The following KLRG2 variants were observed in gnomAD, a reference collection of about 807,000 sequenced individuals.
The protein encoded by KLRG2 is killer cell lectin-like receptor subfamily G member 2.
In KLRG2, 39 loss-of-function variants were observed where a neutral mutation model predicts 35.4. The ratio of observed to expected loss-of-function variants is 1.10; its 90% confidence interval spans 0.85 to 1.44. The LOEUF (loss-of-function observed/expected upper bound fraction) is 1.44. Among genes scored for constraint, KLRG2 ranks in the 40% most tolerant of loss-of-function variants. KLRG2 has a pLI of 0.00. For missense variants in KLRG2, 632 were observed against 570.9 expected, an observed-to-expected ratio of 1.11 and a Z score of -1.09; for synonymous variants, 283 against 265.8, an observed-to-expected ratio of 1.06 and a Z score of -0.63.
the KLRG2 span, among the ~76,000 whole-genome samples, chr7:139,435,158 A>T: frequency 6.6e-6 from 1 of 152,194 alleles, no homozygotes; most frequent in African/African-American, 2.4e-5. Context: ...ACCTTTCTTA[A>T]AAAAACTTTA....
chr7:139,469,426 C>A (rs1213090589), intron 3 of KLRG2, among the ~76,000 whole-genome samples: 1 of 152,132 alleles, frequency 6.6e-6, no homozygotes, highest in Non-Finnish European at 1.5e-5. Flanking sequence ...TCCCAAAGTG[C>A]TGTGATTATA....
chr7:139,469,895 A>G (rs1796727522), intron 3 of KLRG2, among the ~76,000 whole-genome samples: 1 of 152,218 alleles, frequency 6.6e-6, no homozygotes, highest in South Asian at 2.1e-4. Flanking sequence ...CGGTCAGGAC[A>G]CTGTGGGGCG....
chr7:139,444,020 C>T, the KLRG2 span, among the ~76,000 whole-genome samples: 1 of 152,146 alleles, frequency 6.6e-6, no homozygotes, highest in Non-Finnish European at 1.5e-5. Flanking sequence ...TCCAAGAGTC[C>T]AAAAGCTGAA....
chr7:139,483,307 A>T lies in KLRG2; in HGVS notation c.336T>A (p.Ala112=). The T allele has an allele frequency of 7.1e-6, 11 of 1,552,504 alleles. No homozygotes were observed. The highest frequency in any genetic ancestry group is 7.8e-6 in the Non-Finnish European group (9 of 1,160,880). Residue 112 remains alanine (A), a synonymous_variant, in exon 1 of 5, where the codon GCT becomes GCA. Coordinates refer to ENST00000340940, the MANE Select transcript of KLRG2 (RefSeq NM_198508.4). The part of the protein sequence containing the change: ...KLPRNGEAPG[A]EPAPSAWAPM... ...GCGCCCAGGCGCTGGGCGCAGGCTC[A>T]GCCCCGGGCGCCTCGCCATTCCGGG...
chr7:139,459,870 G>A (rs376954878), intron 3 of KLRG2, among the ~76,000 whole-genome samples: 1 of 151,986 alleles, frequency 6.6e-6, no homozygotes, highest in East Asian at 1.9e-4. Flanking sequence ...TCCTGCCTCA[G>A]CCTCCCAAGT....
At chr7:139,466,689 T>G (rs1410813440) in intron 3 of KLRG2, among the ~76,000 whole-genome samples, 2 of 151,612 alleles carry the variant, frequency 1.3e-5, no homozygotes, top group Non-Finnish European at 2.9e-5. Flanking sequence ...TAGCTTTGCA[T>G]TTCTCTTTCC....
chr7:139,452,429 C>T (rs1036137753), downstream of KLRG2, among the ~76,000 whole-genome samples: 18 of 152,258 alleles, frequency 1.2e-4, no homozygotes, highest in African/African-American at 3.9e-4. Flanking sequence ...TGCACATGTA[C>T]CCCAGAACTT....
chr7:139,454,244 CCTGG>C, intron 3 of KLRG2, 30 bp from the exon 4 acceptor site: 1 of 1,110,588 alleles, frequency 9.0e-7, no homozygotes, highest in Non-Finnish European at 1.3e-6. Flanking sequence ...TGGTCACTCC[CCTGG>C]ACACTGGCGT....
chr7:139,480,690 CCA>C (rs1432994265), intron 1 of KLRG2, among the ~76,000 whole-genome samples: 1 of 150,968 alleles, frequency 6.6e-6, no homozygotes, highest in Non-Finnish European at 1.5e-5. Flanking sequence ...TGTGATCTGC[CCA>C]CCTCGGCCTC....
At chr7:139,482,838 G>T (rs1249001113) in intron 1 of KLRG2, 48 bp downstream of exon 1, 1 of 1,357,934 alleles carries the variant, frequency 7.4e-7, no homozygotes, top group Non-Finnish European at 9.4e-7. Context: ...TTTCGGCTAC[G>T]TCCACCCGAC....
chr7:139,440,410 G>GTTTTT, the KLRG2 span, among the ~76,000 whole-genome samples: 2 of 61,250 alleles, frequency 3.3e-5, no homozygotes, highest in African/African-American at 3.7e-4. Flanking sequence ...ACCACACCTG[G>GTTTTT]CTTTTTTTTT....
the KLRG2 span, among the ~76,000 whole-genome samples, chr7:139,430,452 T>C: frequency 0.21 from 32,170 of 151,712 alleles, 3,596 homozygotes; most frequent in Middle Eastern, 0.31. Context: ...TCCACTAGAA[T>C]GATCAAAAGT....
chr7:139,472,739 A>G (rs1177305501), intron 3 of KLRG2, among the ~76,000 whole-genome samples: 2 of 152,194 alleles, frequency 1.3e-5, no homozygotes, highest in African/African-American at 4.8e-5. Flanking sequence ...AAATACCCCA[A>G]TTTGAATTGA....
chr7:139,445,781 G>GTGTGTATA, the KLRG2 span, among the ~76,000 whole-genome samples: 5 of 98,482 alleles, frequency 5.1e-5, no homozygotes, highest in African/African-American at 3.1e-4. Flanking sequence ...ATATATATAT[G>GTGTGTATA]TATATATATA....
chr7:139,466,839 TAAAA>T (rs780530961), intron 3 of KLRG2, among the ~76,000 whole-genome samples: 12 of 111,686 alleles, frequency 1.1e-4, no homozygotes, highest in African/African-American at 3.5e-4. Flanking sequence ...TATGACAACA[TAAAA>T]AAAAAAAAAA....
At position 139,454,088 on chromosome 7, in the gene KLRG2, G is replaced by A. The variant is rs535890099; in HGVS notation, c.1109+23C>T. On this transcript the variant is annotated intron_variant, in intron 4 of 4. Transcript: ENST00000340940. ...GGAGGATCCAGAACAGCAGAGGAGGGAGAAAAGCCCGTGGTCACTCACAGC... is the reference window on the plus strand; with the variant it reads ...GGAGGATCCAGAACAGCAGAGGAGGAAGAAAAGCCCGTGGTCACTCACAGC... 140 of 1,334,314 alleles carry A rather than the reference G, an allele frequency of 1.0e-4. 3 individuals are homozygous for A. The South Asian group carries it at 1.7e-3, about 16-fold the overall frequency. The allele number at this position is 1,334,314 out of a possible 1,614,324, so 82.7% of individuals were successfully genotyped here.
Position 139,472,177 on chromosome 7 carries a change from C to T in KLRG2, c.1005+7450G>A, listed in dbSNP as rs189732126. ...TCCAGGTAGGGACAGTCCAACAAAA[C>T]GTCATGCATGCAAAAATCTTCAGTG... On this transcript the variant is annotated intron_variant, in intron 3 of 4. Transcript: ENST00000340940. Among the ~76,000 whole-genome samples, 522 of 152,170 alleles carry T rather than the reference C, an allele frequency of 3.4e-3. 3 individuals carry two copies. Among genetic ancestry groups the T allele is most frequent in the Middle Eastern group, 0.014 (4 of 294 alleles).
At chr7:139,457,717 G>A (rs1347847328) in intron 3 of KLRG2, among the ~76,000 whole-genome samples, 1 of 152,066 alleles carries the variant, frequency 6.6e-6, no homozygotes, top group East Asian at 1.9e-4. Flanking sequence ...GGGCCTCCTG[G>A]TGACGGGAGC....
chr7:139,479,740 C>T lies in KLRG2; in HGVS notation c.892G>A (p.Val298Met), dbSNP rs768304250. ...ARCQQCPPGWVLSEEHCYYFS... is the reference protein window; with the variant it reads ...ARCQQCPPGWMLSEEHCYYFS... ...TAGTAACAGTGCTCCTCGGACAACA[C>T]CCAGCCTGGGGGGCACTGCTGGCAT... is the stretch of plus-strand genomic sequence containing the variant. Residue 298 changes from valine to methionine, a missense_variant, in exon 3 of 5, where the codon GTG (valine) becomes ATG (methionine). Physicochemically the swap from Val to Met is conservative, Grantham distance 21 (BLOSUM62 1). Transcript: ENST00000340940. 11 of 1,614,044 alleles carry T rather than the reference C, an allele frequency of 6.8e-6. No homozygotes were observed. Among genetic ancestry groups the T allele is most frequent in the Non-Finnish European group, 7.6e-6 (9 of 1,180,004 alleles).
Sources: gnomAD v4.1 joint callset for allele counts (sites outside exome capture counted in the v4.1 genomes callset) on GRCh38, gnomAD v4.1.1 for gene constraint, MANE v1.5 for transcripts, NCBI Gene and HGNC (gene_info 2026-07-23, HGNC 2026-07-21) for gene names.